Variants in KIRREL3 observed in about 807,000 individuals in gnomAD.
The protein encoded by KIRREL3 is kirre like nephrin family adhesion molecule 3, also known as kin of IRRE-like protein 3.
Under a neutral mutation model 89.7 loss-of-function variants are expected in KIRREL3, and 36 were observed. The ratio of observed to expected loss-of-function variants is 0.40; its 90% CI spans 0.31 to 0.53. The LOEUF (loss-of-function observed/expected upper bound fraction) is 0.53. Ranked by LOEUF, KIRREL3 falls within the 20% of genes least tolerant of loss-of-function variation. KIRREL3 has a pLI of 0.49. For synonymous variants in KIRREL3, 445 were observed against 441.4 expected, an observed-to-expected ratio of 1.01 and a Z score of -0.10; for missense variants, 864 against 1,056.6, an observed-to-expected ratio of 0.82 and a Z score of 2.53.
At chr11:126,863,835 T>A (rs1223135463) in intron 1 of KIRREL3, among the ~76,000 whole-genome samples, 3 of 152,200 alleles carry the variant, frequency 2.0e-5, no homozygotes, top group Admixed American at 2.0e-4. Flanking sequence ...GGTATTCCTC[T>A]GCCCTGCCTC....
At chr11:126,504,975 C>T (rs900824769) in intron 4 of KIRREL3, among the ~76,000 whole-genome samples, 26 of 152,198 alleles carry the variant, frequency 1.7e-4, no homozygotes, top group Non-Finnish European at 1.3e-4. Flanking sequence ...TAAAAACTCT[C>T]AACAAAGTAG....
intron 1 of KIRREL3, among the ~76,000 whole-genome samples, chr11:126,804,884 G>A (rs1401777320): frequency 6.6e-6 from 1 of 152,102 alleles, no homozygotes; most frequent in Admixed American, 6.5e-5. Flanking sequence ...ATACAAAAAA[G>A]GTCAAGACTC....
At chr11:126,975,486 G>A (rs1478702933) in intron 1 of KIRREL3, among the ~76,000 whole-genome samples, 4 of 152,194 alleles carry the variant, frequency 2.6e-5, no homozygotes, top group Non-Finnish European at 2.9e-5. Flanking sequence ...CAGGGGTACA[G>A]AAGTGGGACT....
intron 5 of KIRREL3, among the ~76,000 whole-genome samples, chr11:126,466,765 C>T (rs1591587525): frequency 6.6e-6 from 1 of 152,226 alleles, no homozygotes; most frequent in Non-Finnish European, 1.5e-5. Context: ...TTCCCTGCTT[C>T]CCTTCACTGA....
rs1316281592 is a variant in KIRREL3, at chr11:126,535,946, T to C, written c.134-9259A>G. ...GTTGCAGTGAGCCAAGATCGCACCA[T>C]TGCACTCCAGCCTAGGGGACAGAGT... is the stretch of plus-strand genomic sequence containing the variant. On this transcript the variant is annotated intron_variant, in intron 2 of 16. Coordinates refer to ENST00000525144, the MANE Select transcript of KIRREL3 (RefSeq NM_032531.4). This position sits in a 1 kb window ranked among gnomAD's most constrained non-coding sequence, Gnocchi z 4.5. Among the ~76,000 whole-genome samples the C allele has an allele frequency of 2.0e-5, 3 of 152,002 alleles. No homozygotes were observed. Among genetic ancestry groups the C allele is most frequent in the African/African-American group, 7.3e-5 (3 of 41,374 alleles).
chr11:126,468,939 G>A (rs531945799), intron 5 of KIRREL3, among the ~76,000 whole-genome samples: 12 of 152,198 alleles, frequency 7.9e-5, no homozygotes, highest in Admixed American at 3.9e-4. Context: ...CTATGACACC[G>A]ATGTCTGCAT....
rs1459072795 is a variant in KIRREL3 at position 126,723,239 on chromosome 11, C to G, written c.56-160327G>C. On this transcript the variant is annotated intron_variant, in intron 1 of 16. Coordinates refer to ENST00000525144, the MANE Select transcript of KIRREL3 (RefSeq NM_032531.4). The surrounding 1 kb of genome is among the most constrained non-coding windows in gnomAD (Gnocchi z 4.0). ...TGGATTTCCCCCACTGAAACCTCCA[C>G]AGCCCTCCTAGCAGAGACAGACACA... is the stretch of plus-strand genomic sequence containing the variant. Among the ~76,000 whole-genome samples, 1 of 152,194 alleles carries G rather than the reference C, an allele frequency of 6.6e-6. No individual in the cohort carries two copies. Among genetic ancestry groups the G allele is most frequent in the African/African-American group, 2.4e-5 (1 of 41,436 alleles).
Position 126,906,610 on chromosome 11 carries a change from T to A in KIRREL3, c.55+93845A>T, listed in dbSNP as rs1211327073. On this transcript the variant is annotated intron_variant, in intron 1 of 16. Transcript: ENST00000525144. The surrounding 1 kb of genome is among the most constrained non-coding windows in gnomAD (Gnocchi z 4.1). ...TTTTGTTTTTGCTTCAGATCTCCTTTCCTTTCACTGTTTTTTTTAGCATGT... is the reference window on the plus strand; with the variant it reads ...TTTTGTTTTTGCTTCAGATCTCCTTACCTTTCACTGTTTTTTTTAGCATGT... 2.7e-5 allele frequency among the ~76,000 whole-genome samples: 3 copies of A among 112,624 alleles called. No homozygotes were observed. Among genetic ancestry groups the A allele is most frequent in the African/African-American group, 9.4e-5 (3 of 31,896 alleles). The allele number at this position is 112,624 out of a possible 152,430, so 73.9% of individuals were successfully genotyped here.
intron 1 of KIRREL3, among the ~76,000 whole-genome samples, chr11:126,621,243 C>T (rs1035097497): frequency 2.0e-5 from 3 of 152,158 alleles, no homozygotes; most frequent in Non-Finnish European, 4.4e-5. Context: ...ATGGGGAGAA[C>T]CCCTTTTGAT....
At chr11:126,621,571 T>A (rs960792455) in intron 1 of KIRREL3, among the ~76,000 whole-genome samples, 2 of 152,220 alleles carry the variant, frequency 1.3e-5, no homozygotes, top group African/African-American at 2.4e-5. Context: ...GTCAAAATGA[T>A]ACTACTCTTA....
Position 126,977,782 on chromosome 11 carries a change from CTG to C in KIRREL3, c.55+22671_55+22672del, listed in dbSNP as rs1949621799. Among the ~76,000 whole-genome samples the C allele has an allele frequency of 6.6e-6, 1 of 152,200 alleles. No individual in the cohort carries two copies. Among genetic ancestry groups the C allele is most frequent in the Non-Finnish European group, 1.5e-5 (1 of 68,034 alleles). On this transcript the variant is annotated intron_variant, in intron 1 of 16. Coordinates refer to ENST00000525144, the MANE Select transcript of KIRREL3 (RefSeq NM_032531.4). This position sits in a 1 kb window ranked among gnomAD's most constrained non-coding sequence, Gnocchi z 4.7. Reference sequence around the variant, plus strand: ...GCAATTAAAAAGTATGTCAAGAACACTGTTTCAGCAGGACCAGCCTTCCAACC... The same window carrying C: ...GCAATTAAAAAGTATGTCAAGAACACTTTCAGCAGGACCAGCCTTCCAACC...
At chr11:126,644,054 A>G (rs1174671985) in intron 1 of KIRREL3, among the ~76,000 whole-genome samples, 2 of 152,200 alleles carry the variant, frequency 1.3e-5, no homozygotes, top group Non-Finnish European at 2.9e-5. Flanking sequence ...ATCGTCCAGA[A>G]CTAGATATAA....
intron 6 of KIRREL3, among the ~76,000 whole-genome samples, chr11:126,457,211 A>ATGTGTGTGTGTG (rs1591570713): frequency 2.7e-5 from 2 of 74,558 alleles, no homozygotes; most frequent in East Asian, 1.2e-3. Flanking sequence ...GTGTGTGTGT[A>ATGTGTGTGTGTG]TGTGTATGTG....
intron 1 of KIRREL3, among the ~76,000 whole-genome samples, chr11:126,604,477 C>T (rs1213738164): frequency 6.6e-6 from 1 of 152,228 alleles, no homozygotes; most frequent in Non-Finnish European, 1.5e-5. Flanking sequence ...TAGTCTTCAC[C>T]ACAGCCCTAC....
chr11:126,489,093 G>T lies in KIRREL3; in HGVS notation c.434-15627C>A, dbSNP rs1048966674. On this transcript the variant is annotated intron_variant, in intron 4 of 16. Transcript: ENST00000525144. This position sits in a 1 kb window ranked among gnomAD's most constrained non-coding sequence, Gnocchi z 5.5. ...GCGCTTAGGCATCTGGAGCGCAGCA[G>T]TCAGTCTCATCCTGGGGTGCATCCC... is the stretch of plus-strand genomic sequence containing the variant. 2.6e-5 allele frequency among the ~76,000 whole-genome samples: 4 copies of T among 152,204 alleles called. No individual in the cohort carries two copies. Among genetic ancestry groups the T allele is most frequent in the Non-Finnish European group, 5.9e-5 (4 of 68,016 alleles).
chr11:126,533,135 A>G (rs1007545995), intron 2 of KIRREL3, among the ~76,000 whole-genome samples: 19 of 152,184 alleles, frequency 1.2e-4, no homozygotes, highest in African/African-American at 4.3e-4. Context: ...CAGAATGTCA[A>G]GCATATAATA....
chr11:126,599,926 A>C (rs1204352247), intron 1 of KIRREL3, among the ~76,000 whole-genome samples: 1 of 152,218 alleles, frequency 6.6e-6, no homozygotes, highest in Non-Finnish European at 1.5e-5. Flanking sequence ...CCTGGTTTTC[A>C]GACCCCTGTG....
At chr11:126,792,547 A>T (rs1950678247) in intron 1 of KIRREL3, among the ~76,000 whole-genome samples, 1 of 152,192 alleles carries the variant, frequency 6.6e-6, no homozygotes, top group Admixed American at 6.5e-5. Flanking sequence ...GCAATTCTTC[A>T]GGTATAAATC....
At chr11:126,878,469 C>T (rs1018717991) in intron 1 of KIRREL3, among the ~76,000 whole-genome samples, 7 of 151,430 alleles carry the variant, frequency 4.6e-5, no homozygotes, top group African/African-American at 1.7e-4. Context: ...GTAAGAAAAA[C>T]GAGAGAAAAA....
Sources: allele counts gnomAD v4.1 joint callset (sites outside exome capture counted in the v4.1 genomes callset), GRCh38; gene constraint gnomAD v4.1.1; non-coding constraint Gnocchi (gnomAD v3.1); transcripts MANE v1.5; gene names NCBI Gene and HGNC (gene_info 2026-07-23, HGNC 2026-07-21).